LAMTOR3: variants seen among roughly 807,000 people sequenced by gnomAD.
LAMTOR3 encodes the protein late endosomal/lysosomal adaptor, MAPK and MTOR activator 3.
Under a neutral mutation model 20.3 loss-of-function variants are expected in LAMTOR3, and 14 were observed. That is an observed-to-expected ratio of 0.69 (90% CI 0.46 to 1.08). The LOEUF (loss-of-function observed/expected upper bound fraction) is 1.08. Ranked by LOEUF, LAMTOR3 falls within the 50% of genes least tolerant of loss-of-function variation. The pLI is 0.00. For synonymous variants in LAMTOR3, 40 were observed against 49.4 expected (o/e 0.81, Z 0.80); for missense variants, 125 against 143.7 (o/e 0.87, Z 0.67).
chr4:99,886,572 G>A (rs571670721), intron 4 of LAMTOR3, among the ~76,000 whole-genome samples: 6 of 152,284 alleles, frequency 3.9e-5, no homozygotes, highest in Admixed American at 6.5e-5. Flanking sequence ...AAGTCCAAGT[G>A]TCTTTGCACT....
chr4:99,890,096 A>G (rs958771548), intron 3 of LAMTOR3, among the ~76,000 whole-genome samples: 4 of 152,242 alleles, frequency 2.6e-5, no homozygotes, highest in Non-Finnish European at 5.9e-5. Context: ...CTACACTTTT[A>G]GAAGAAATGA....
chr4:99,882,490 C>G (rs963354390), intron 6 of LAMTOR3, among the ~76,000 whole-genome samples: 1 of 152,046 alleles, frequency 6.6e-6, no homozygotes, highest in Non-Finnish European at 1.5e-5. Context: ...TTTTCAGCAT[C>G]TATTACTAAA....
In LAMTOR3 at chr4:99,885,619, C is replaced by T. The variant is rs767841855; in HGVS notation, c.160G>A (p.Ala54Thr). 5.0e-6 allele frequency: 8 copies of T among 1,613,250 alleles called. No homozygotes were observed. The South Asian group carries it at 8.8e-5, about 18-fold the overall frequency. Residue 54 changes from alanine (A) to threonine (T), a missense_variant, in exon 5 of 7, where the codon GCC becomes ACC. This residue lies in a region of LAMTOR3 where 99 missense variants were observed against 96.0 expected (regional missense o/e 1.03). Transcript: ENST00000499666. ...TTGCTTCCTTGGTCTGTTGCAAGGG[C>T]AAAAGTGGATAAGAAACCAGGTCGC... ...ALRPGFLSTF[A>T]LATDQGSKLG...
chr4:99,893,085 G>A (rs1725052455), intron 2 of LAMTOR3, among the ~76,000 whole-genome samples: 1 of 152,162 alleles, frequency 6.6e-6, no homozygotes, highest in African/African-American at 2.4e-5. Flanking sequence ...CTAAGCTGGG[G>A]CTCACTGCAA....
chr4:99,888,874 A>C (rs994337459), intron 3 of LAMTOR3, among the ~76,000 whole-genome samples: 1 of 152,206 alleles, frequency 6.6e-6, no homozygotes, highest in Non-Finnish European at 1.5e-5. Context: ...ATTCAATCCT[A>C]AACTTATTTA....
intron 4 of LAMTOR3, 104 bp from the exon 5 acceptor site, chr4:99,885,779 T>A: frequency 1.0e-6 from 1 of 960,308 alleles, no homozygotes; most frequent in East Asian, 2.7e-5. Flanking sequence ...AACACAAAGG[T>A]TATGTTTCAC....
At position 99,883,689 on chromosome 4, in the gene LAMTOR3, T is replaced by C. The variant is rs906796351; in HGVS notation, c.301+373A>G. On this transcript the variant is annotated intron_variant, in intron 6 of 6. Transcript: ENST00000499666. ...GTAACTCATCGATCATTTTAATGCG[T>C]TTTGTTGGGTTATCTTCACCTTGTT... is the stretch of plus-strand genomic sequence containing the variant. 2.6e-5 allele frequency among the ~76,000 whole-genome samples: 4 copies of C among 151,822 alleles called. No individual in the cohort carries two copies. In the South Asian group the frequency reaches 8.3e-4, roughly 31 times the overall value.
intron 6 of LAMTOR3, among the ~76,000 whole-genome samples, chr4:99,883,052 T>C (rs1321381846): frequency 6.6e-6 from 1 of 152,078 alleles, no homozygotes; most frequent in Non-Finnish European, 1.5e-5. Flanking sequence ...TCATAGTATA[T>C]AACAACTGGT....
intron 3 of LAMTOR3, among the ~76,000 whole-genome samples, chr4:99,891,278 G>T (rs1725018422): frequency 6.6e-6 from 1 of 152,078 alleles, no homozygotes; most frequent in African/African-American, 2.4e-5. Flanking sequence ...AACACAGAAA[G>T]CCCTCATTTT....
rs947541947 is a variant in LAMTOR3, at chr4:99,894,018, G to A, written c.-37-18C>T. On this transcript the variant is annotated intron_variant, in intron 1 of 6. Transcript: ENST00000499666. ...CTCCACGCCTGGAAGAGAAACTCCC[G>A]GTGACTCTTCCCTCTTTGGCTTCCT... 5.4e-6 allele frequency: 8 copies of A among 1,480,190 alleles called. No homozygotes were observed. The highest frequency in any genetic ancestry group is 7.3e-6 in the Non-Finnish European group (8 of 1,097,794). 91.7% of individuals were successfully genotyped at this position (1,480,190 alleles called of 1,614,324 possible).
At chr4:99,887,226 T>C (rs1724944221) in intron 4 of LAMTOR3, 70 bp downstream of exon 4, 1 of 982,350 alleles carries the variant, frequency 1.0e-6, no homozygotes, top group Non-Finnish European at 1.5e-6. Flanking sequence ...GCTGTACTAC[T>C]CAGATGTAAA....
At chr4:99,884,024 T>C in intron 6 of LAMTOR3, 38 bp downstream of exon 6, 2 of 1,382,142 alleles carry the variant, frequency 1.4e-6, no homozygotes, top group East Asian at 4.6e-5. Context: ...TTTTTTAAAA[T>C]TAAGGATTAA....
At chr4:99,894,028 C>T (rs978931717) in intron 1 of LAMTOR3, 28 bp from the exon 2 acceptor site, 1 of 1,424,590 alleles carries the variant, frequency 7.0e-7, no homozygotes, top group African/African-American at 1.5e-5. Context: ...GGTGACTCTT[C>T]CCTCTTTGGC....
intron 3 of LAMTOR3, among the ~76,000 whole-genome samples, chr4:99,887,739 T>G (rs1319721805): frequency 6.6e-6 from 1 of 152,242 alleles, no homozygotes; most frequent in African/African-American, 2.4e-5. Context: ...TTGTGGCACT[T>G]AATACTTTGA....
rs915018589 is a variant in LAMTOR3, at chr4:99,894,411, A to G, written c.-114T>C. On this transcript the variant is annotated 5_prime_UTR_variant, in exon 1 of 7. Transcript: ENST00000499666. Reference sequence around the variant, plus strand: ...TTAAAGACAGGTTCCTCCTCAAGCCACCGTCACATGATTCATGACCTCGTC... The same window carrying G: ...TTAAAGACAGGTTCCTCCTCAAGCCGCCGTCACATGATTCATGACCTCGTC... The G allele has an allele frequency of 2.5e-5, 4 of 157,038 alleles. No individual in the cohort carries two copies. The highest frequency in any genetic ancestry group is 5.6e-5 in the Non-Finnish European group (4 of 71,366). 9.7% of individuals were successfully genotyped at this position (157,038 alleles called of 1,614,324 possible).
At chr4:99,894,220 C>T (rs1725079676) in intron 1 of LAMTOR3, 115 bp downstream of exon 1, 2 of 390,310 alleles carry the variant, frequency 5.1e-6, no homozygotes. Context: ...GCCCCTCCAC[C>T]CCAAAGAGCT....
chr4:99,887,379 A>G (rs371698810), intron 3 of LAMTOR3, 25 bp from the exon 4 acceptor site: 6 of 1,149,680 alleles, frequency 5.2e-6, no homozygotes, highest in Non-Finnish European at 7.0e-6. Flanking sequence ...TAGTTAAAAT[A>G]TAAAAAAAGT....
intron 2 of LAMTOR3, among the ~76,000 whole-genome samples, chr4:99,892,680 A>ATTT (rs368209166): frequency 0.12 from 17,174 of 143,350 alleles, 1,172 homozygotes; most frequent in East Asian, 0.24. Context: ...GTGAGGCAAC[A>ATTT]TTTTTTTTTT....
At chr4:99,889,149 T>C (rs1045429468) in intron 3 of LAMTOR3, among the ~76,000 whole-genome samples, 3 of 152,124 alleles carry the variant, frequency 2.0e-5, no homozygotes, top group African/African-American at 7.2e-5. Flanking sequence ...TGAGCCAAGA[T>C]TGCGCCACTG....
Sources: allele counts gnomAD v4.1 joint callset (sites outside exome capture counted in the v4.1 genomes callset), GRCh38; gene constraint gnomAD v4.1.1; regional missense constraint gnomAD v4.1.1; transcripts MANE v1.5; gene names NCBI Gene and HGNC (gene_info 2026-07-23, HGNC 2026-07-21).